IFT70A: variants seen among roughly 807,000 people sequenced by gnomAD.
The protein encoded by IFT70A is intraflagellar transport protein 70A.
the IFT70A span, chr2:177,615,249 A>T: frequency 3.9e-5 from 6 of 152,208 alleles, no homozygotes; most frequent in African/African-American, 1.4e-4. Flanking sequence ...TATTTCAAGA[A>T]TAATTGAGGA....
At chr2:177,613,243 C>T in the IFT70A span, 1 of 152,174 alleles carries the variant, frequency 6.6e-6, no homozygotes, top group Admixed American at 6.5e-5. Flanking sequence ...GTTTTAACTA[C>T]AGAAAAATTT....
chr2:177,617,224 A>T, the IFT70A span: 17 of 1,598,084 alleles, frequency 1.1e-5, no homozygotes, highest in Non-Finnish European at 1.4e-5. Flanking sequence ...GACATTCAGG[A>T]TGTTATCATA....
chr2:177,615,994 T>G, the IFT70A span: 1 of 151,932 alleles, frequency 6.6e-6, no homozygotes, highest in Admixed American at 6.6e-5. Flanking sequence ...TTCTGTAAAA[T>G]CAAAAATAGA....
At chr2:177,613,292 C>T in the IFT70A span, 4 of 152,154 alleles carry the variant, frequency 2.6e-5, no homozygotes, top group Non-Finnish European at 4.4e-5. Context: ...AATTGCACTC[C>T]TTAGCATATG....
At chr2:177,614,844 CAG>C in the IFT70A span, 37 of 152,158 alleles carry the variant, frequency 2.4e-4, no homozygotes, top group African/African-American at 7.7e-4. Flanking sequence ...CCTTTGAAGA[CAG>C]GGGGAGAAAA....
the IFT70A span, chr2:177,614,969 G>T: frequency 6.6e-6 from 1 of 152,152 alleles, no homozygotes; most frequent in Non-Finnish European, 1.5e-5. Flanking sequence ...AGAATATGAG[G>T]ACTGATGATT....
chr2:177,616,030 AACTT>A, the IFT70A span: 3 of 152,206 alleles, frequency 2.0e-5, no homozygotes, highest in Non-Finnish European at 4.4e-5. Context: ...TTTATTATAA[AACTT>A]AAGAAGCAAC....
chr2:177,617,103 A>C, the IFT70A span: 1 of 1,612,228 alleles, frequency 6.2e-7, no homozygotes, highest in Admixed American at 1.7e-5. Flanking sequence ...TTGGGTCATC[A>C]TAAGAGAGCT....
the IFT70A span, chr2:177,618,158 G>A: frequency 6.2e-7 from 1 of 1,614,266 alleles, no homozygotes; most frequent in Non-Finnish European, 8.5e-7. Flanking sequence ...CCCGAGGCCT[G>A]CAGTGTGGCA....
the IFT70A span, chr2:177,613,434 A>G: frequency 6.6e-6 from 1 of 152,220 alleles, no homozygotes; most frequent in Non-Finnish European, 1.5e-5. Flanking sequence ...CTTCATGACT[A>G]AAAATGGAAC....
chr2:177,613,627 T>A, the IFT70A span: 1 of 152,214 alleles, frequency 6.6e-6, no homozygotes, highest in Non-Finnish European at 1.5e-5. Context: ...ACACATGTTT[T>A]ATAGCAGATG....
chr2:177,618,610 AC>A, the IFT70A span: 2 of 1,608,058 alleles, frequency 1.2e-6, no homozygotes, highest in Non-Finnish European at 1.7e-6. Context: ...CAGCAGCTGC[AC>A]CGCCTCGGCG....
At chr2:177,617,360 G>A in the IFT70A span, 245 of 1,596,420 alleles carry the variant, frequency 1.5e-4, 2 homozygotes, top group Admixed American at 1.0e-3. Context: ...ACAGATTTGC[G>A]GAAGACCTTT....
chr2:177,614,880 T>G, the IFT70A span: 2 of 152,224 alleles, frequency 1.3e-5, no homozygotes, highest in Admixed American at 1.3e-4. Flanking sequence ...AGCTTTAAAC[T>G]AGAGATTGCC....
At chr2:177,616,692 T>C in the IFT70A span, 1 of 1,458,966 alleles carries the variant, frequency 6.9e-7, no homozygotes, top group Non-Finnish European at 9.0e-7. Context: ...AAAAAGCCAC[T>C]ATCAGTCATA....
the IFT70A span, chr2:177,618,330 A>G: frequency 8.1e-5 from 131 of 1,613,804 alleles, 1 homozygote; most frequent in East Asian, 2.6e-3. Context: ...CGCCCTCGCT[A>G]TACTTGATGG....
chr2:177,615,743 T>C, the IFT70A span: 1 of 152,118 alleles, frequency 6.6e-6, no homozygotes, highest in African/African-American at 2.4e-5. Context: ...CTAAAAGTAA[T>C]TGTAAAGGCT....
chr2:177,616,566 G>C, the IFT70A span: 2 of 752,336 alleles, frequency 2.7e-6, no homozygotes, highest in East Asian at 2.9e-5. Flanking sequence ...TGAAAAAGTT[G>C]CTCAAACATA....
the IFT70A span, chr2:177,617,967 G>T: frequency 2.5e-6 from 4 of 1,614,018 alleles, no homozygotes; most frequent in Non-Finnish European, 3.4e-6. Context: ...CAGTCTGATG[G>T]AGAACTAAGG....
Sources: gnomAD v4.1 joint callset for allele counts on GRCh38, gnomAD v4.1.1 for gene constraint, MANE v1.5 for transcripts, NCBI Gene and HGNC (gene_info 2026-07-23, HGNC 2026-07-21) for gene names.